Variants in TBC1D5 observed in about 807,000 individuals in gnomAD.
TBC1D5 encodes TBC1 domain family member 5.
In TBC1D5, 75 loss-of-function variants were observed where a neutral mutation model predicts 100.3. That is an observed-to-expected ratio of 0.75 (90% confidence interval 0.62 to 0.91). The LOEUF (loss-of-function observed/expected upper bound fraction) is 0.91, where lower values mean the gene tolerates loss of function less well. Among genes scored for constraint, TBC1D5 ranks in the 40% least tolerant of loss-of-function variants. TBC1D5 has a pLI of 0.00. For missense variants in TBC1D5, 910 were observed against 942.4 expected (o/e 0.97, Z 0.45); for synonymous variants, 323 against 325.6 (o/e 0.99, Z 0.09).
intron 1 of TBC1D5, chr3:17,700,107 G>A (rs1212675777): frequency 6.6e-6 from 1 of 150,882 alleles, no homozygotes; most frequent in African/African-American, 2.4e-5. Flanking sequence ...GCTTTGGCTT[G>A]TCCCTTGGCC....
chr3:17,463,565 T>G (rs930294063), intron 3 of TBC1D5, among the ~76,000 whole-genome samples: 1 of 152,144 alleles, frequency 6.6e-6, no homozygotes, highest in Non-Finnish European at 1.5e-5. Context: ...CAAAACTAAG[T>G]AATTAACATA....
chr3:17,485,708 A>G (rs1314602602), intron 3 of TBC1D5, among the ~76,000 whole-genome samples: 2 of 151,956 alleles, frequency 1.3e-5, no homozygotes, highest in Non-Finnish European at 2.9e-5. Flanking sequence ...TCCATGATGT[A>G]TATGTGCCAC....
At chr3:17,326,504 ACT>A (rs1340614750) in intron 13 of TBC1D5, among the ~76,000 whole-genome samples, 3 of 152,054 alleles carry the variant, frequency 2.0e-5, no homozygotes, top group Admixed American at 6.6e-5. Context: ...ACCAGGTCTC[ACT>A]CTGTTGCCCA....
chr3:17,688,102 C>T (rs999795702), intron 1 of TBC1D5, among the ~76,000 whole-genome samples: 1 of 151,986 alleles, frequency 6.6e-6, no homozygotes, highest in African/African-American at 2.4e-5. Context: ...TATGATTTCA[C>T]TAAATATCAC....
At chr3:17,691,341 T>C (rs2071121876) in intron 1 of TBC1D5, among the ~76,000 whole-genome samples, 1 of 152,236 alleles carries the variant, frequency 6.6e-6, no homozygotes, top group African/African-American at 2.4e-5. Flanking sequence ...ACTTCTAGAA[T>C]GTTTTATCAA....
chr3:17,640,485 T>C (rs2064390019), intron 1 of TBC1D5, among the ~76,000 whole-genome samples: 2 of 152,028 alleles, frequency 1.3e-5, no homozygotes. Context: ...GAAGAATTAT[T>C]TTAGAACTTG....
intron 13 of TBC1D5, among the ~76,000 whole-genome samples, chr3:17,323,911 G>C (rs1051143614): frequency 1.3e-5 from 2 of 152,194 alleles, no homozygotes; most frequent in African/African-American, 4.8e-5. Context: ...CTCATATTAT[G>C]TGATATACAG....
chr3:17,466,668 T>C (rs2095306207), intron 3 of TBC1D5, among the ~76,000 whole-genome samples: 1 of 152,348 alleles, frequency 6.6e-6, no homozygotes, highest in Non-Finnish European at 1.5e-5. Flanking sequence ...GGATTCTTTT[T>C]TTTTCTCTTC....
chr3:17,306,368 G>A (rs2083400770), intron 14 of TBC1D5, among the ~76,000 whole-genome samples: 1 of 152,122 alleles, frequency 6.6e-6, no homozygotes, highest in Non-Finnish European at 1.5e-5. Flanking sequence ...GTAAATACCT[G>A]ACAAATATTC....
At chr3:17,325,751 G>T (rs1211571370) in intron 13 of TBC1D5, among the ~76,000 whole-genome samples, 1 of 152,148 alleles carries the variant, frequency 6.6e-6, no homozygotes, top group Non-Finnish European at 1.5e-5. Context: ...TGATTACCAG[G>T]GATTGAGGGA....
chr3:17,180,053 A>G (rs2068263862), intron 19 of TBC1D5, among the ~76,000 whole-genome samples: 1 of 152,260 alleles, frequency 6.6e-6, no homozygotes, highest in Non-Finnish European at 1.5e-5. Flanking sequence ...ACAGAGATTA[A>G]TACTGTCAAT....
chr3:17,522,163 C>T (rs1046982568), intron 2 of TBC1D5, among the ~76,000 whole-genome samples: 7 of 151,848 alleles, frequency 4.6e-5, no homozygotes, highest in Non-Finnish European at 1.5e-5. Flanking sequence ...AAATAATAAA[C>T]TTGAGTATCA....
intron 13 of TBC1D5, among the ~76,000 whole-genome samples, chr3:17,354,911 A>C (rs1024971915): frequency 5.9e-5 from 9 of 152,088 alleles, no homozygotes; most frequent in Non-Finnish European, 1.2e-4. Context: ...TTCAGTATGC[A>C]TACAATTTGT....
At chr3:17,236,990 C>A (rs1004659221) in intron 17 of TBC1D5, among the ~76,000 whole-genome samples, 2 of 152,016 alleles carry the variant, frequency 1.3e-5, no homozygotes, top group African/African-American at 4.8e-5. Flanking sequence ...GAAAGAAAGT[C>A]CATTTAACTT....
At chr3:17,522,409 G>A (rs908489995) in intron 2 of TBC1D5, among the ~76,000 whole-genome samples, 9 of 151,950 alleles carry the variant, frequency 5.9e-5, no homozygotes, top group Non-Finnish European at 4.4e-5. Context: ...AAAGACTAAA[G>A]CACTGAGAAG....
chr3:17,461,415 T>C (rs1222051854), intron 3 of TBC1D5, among the ~76,000 whole-genome samples: 1 of 152,206 alleles, frequency 6.6e-6, no homozygotes, highest in African/African-American at 2.4e-5. Flanking sequence ...CAGTATCTGA[T>C]AGTTACTGAA....
At chr3:17,164,807 T>C (rs548713550) in intron 21 of TBC1D5, among the ~76,000 whole-genome samples, 12 of 152,364 alleles carry the variant, frequency 7.9e-5, no homozygotes, top group African/African-American at 2.9e-4. Flanking sequence ...ACTTGGCTTC[T>C]TTCTGACTTG....
At chr3:17,615,734 T>A (rs2062091234) in intron 2 of TBC1D5, among the ~76,000 whole-genome samples, 1 of 152,152 alleles carries the variant, frequency 6.6e-6, no homozygotes, top group Non-Finnish European at 1.5e-5. Context: ...GTGATAATAT[T>A]CCCTTTATCA....
chr3:17,431,443 C>T (rs1241097204), intron 3 of TBC1D5, among the ~76,000 whole-genome samples: 1 of 151,630 alleles, frequency 6.6e-6, no homozygotes, highest in Admixed American at 6.6e-5. Flanking sequence ...GTAAAGTAAC[C>T]AGTAAAAGAA....
Sources: gnomAD v4.1 joint callset for allele counts (sites outside exome capture counted in the v4.1 genomes callset) on GRCh38, gnomAD v4.1.1 for gene constraint, MANE v1.5 for transcripts, NCBI Gene and HGNC (gene_info 2026-07-23, HGNC 2026-07-21) for gene names.